The following RAB8B variants were observed in gnomAD, a reference collection of about 807,000 sequenced individuals.
The protein encoded by RAB8B is RAB8B, member RAS oncogene family.
In RAB8B, 11 loss-of-function variants were observed where a neutral mutation model predicts 32.0. That is an observed-to-expected ratio of 0.34 (90% CI 0.22 to 0.57). The LOEUF (loss-of-function observed/expected upper bound fraction) is 0.57, where lower values mean the gene tolerates loss of function less well. RAB8B is among the 20% of genes least tolerant of loss of function. RAB8B has a pLI of 0.86. For synonymous variants in RAB8B, 103 were observed against 89.6 expected (o/e 1.15, Z -0.85); for missense variants, 190 against 258.5 (o/e 0.73, Z 1.82).
chr15:63,189,853 CG>C, intron 1 of RAB8B, 105 bp downstream of exon 1: 1 of 1,153,150 alleles, frequency 8.7e-7, no homozygotes, highest in Admixed American at 4.3e-5. Flanking sequence ...GAGGAGACCC[CG>C]GGGACTGCAA....
In RAB8B at chr15:63,265,242, C is replaced by T. The variant is rs1342835587; in HGVS notation, c.*1623C>T. On this transcript the variant is annotated 3_prime_UTR_variant, in exon 8 of 8. Transcript: ENST00000321437. The surrounding 1 kb of genome is among the most constrained non-coding windows in gnomAD (Gnocchi z 4.9). The stretch of plus-strand genomic sequence containing the variant: ...GAATTCTCTTCAAATTAAGATATGT[C>T]ATTAGAATGCTTGGACCAGTCAATC... The T allele has an allele frequency of 1.3e-5, 2 of 152,090 alleles. No homozygotes were observed. The highest frequency in any genetic ancestry group is 2.9e-5 in the Non-Finnish European group (2 of 68,006). 9.4% of individuals were successfully genotyped at this position (152,090 alleles called of 1,614,324 possible).
intron 1 of RAB8B, among the ~76,000 whole-genome samples, chr15:63,207,119 T>C (rs1007711700): frequency 3.3e-5 from 5 of 152,266 alleles, no homozygotes; most frequent in Admixed American, 3.3e-4. Context: ...CTCTAGGTTT[T>C]CCTTTTTTTC....
intron 1 of RAB8B, among the ~76,000 whole-genome samples, chr15:63,222,033 C>T (rs73441217): frequency 0.032 from 4,899 of 152,256 alleles, 250 homozygotes; most frequent in African/African-American, 0.11. Context: ...ACCCAGGCTT[C>T]TGGGTCAGCT....
chr15:63,204,230 G>A (rs1330255515), intron 1 of RAB8B, among the ~76,000 whole-genome samples: 1 of 152,062 alleles, frequency 6.6e-6, no homozygotes, highest in East Asian at 1.9e-4. Context: ...TTAGGACTAC[G>A]TGCATTTTAC....
chr15:63,232,993 T>C (rs577271305), intron 1 of RAB8B, among the ~76,000 whole-genome samples: 2 of 152,164 alleles, frequency 1.3e-5, no homozygotes, highest in African/African-American at 2.4e-5. Context: ...TTATAACTTA[T>C]GCGACGTATA....
At chr15:63,253,318 G>C (rs1367913018) in intron 3 of RAB8B, among the ~76,000 whole-genome samples, 1 of 152,066 alleles carries the variant, frequency 6.6e-6, no homozygotes, top group Admixed American at 6.6e-5. Context: ...TTGTCTATGT[G>C]TATATGTGTG....
chr15:63,234,963 A>G (rs62012880), intron 1 of RAB8B, among the ~76,000 whole-genome samples: 88,771 of 151,908 alleles, frequency 0.58, 27,401 homozygotes, highest in East Asian at 0.98. Context: ...AAAAGTCCCC[A>G]AACCCCCTGC....
At position 63,228,958 on chromosome 15, in the gene RAB8B, CAT is replaced by C. The variant is rs2037910948; in HGVS notation, c.125-15796_125-15795del. On this transcript the variant is annotated intron_variant, in intron 1 of 7. Coordinates refer to ENST00000321437, the MANE Select transcript of RAB8B (RefSeq NM_016530.3). ...TCTCACATTAATATACTTAGCCTAA[CAT>C]AGCTATATAATTGTTTTACATGTTG... Among the ~76,000 whole-genome samples the C allele has an allele frequency of 2.6e-5, 4 of 152,208 alleles. No individual in the cohort carries two copies. In the South Asian group the frequency reaches 8.3e-4, roughly 31 times the overall value.
chr15:63,215,117 A>G (rs1218457441), intron 1 of RAB8B, among the ~76,000 whole-genome samples: 3 of 152,214 alleles, frequency 2.0e-5, no homozygotes, highest in African/African-American at 7.2e-5. Context: ...GAAGCTGAAG[A>G]CATCACTCTT....
rs559992076 is a variant in RAB8B at position 63,246,571 on chromosome 15, C to T, written c.185+1755C>T. ...GAAGGAGTGAGGAACTTCCACACTT[C>T]CTTCCTTGTGGGAGGGGTCATCTAC... On this transcript the variant is annotated intron_variant, in intron 2 of 7. Transcript: ENST00000321437. 3.9e-5 allele frequency among the ~76,000 whole-genome samples: 6 copies of T among 152,310 alleles called. No homozygotes were observed. The East Asian group carries it at 1.2e-3, about 29-fold the overall frequency.
Position 63,219,491 on chromosome 15 carries a change from A to T in RAB8B, c.125-25265A>T, listed in dbSNP as rs574318631. On this transcript the variant is annotated intron_variant, in intron 1 of 7. Transcript: ENST00000321437. ...AATGGAGGGAAAGAGAACAGACAAGAACATGACAACAGATAAGAGAACACA... is the reference window on the plus strand; with the variant it reads ...AATGGAGGGAAAGAGAACAGACAAGTACATGACAACAGATAAGAGAACACA... 8.0e-4 allele frequency among the ~76,000 whole-genome samples: 121 copies of T among 151,880 alleles called. 1 individual carries two copies. The highest frequency in any genetic ancestry group is 1.1e-3 in the Non-Finnish European group (76 of 67,956).
intron 1 of RAB8B, among the ~76,000 whole-genome samples, chr15:63,197,516 G>A (rs2037613302): frequency 6.6e-6 from 1 of 151,130 alleles, no homozygotes; most frequent in Non-Finnish European, 1.5e-5. Flanking sequence ...TGGGACCCCG[G>A]GTGCACACTA....
chr15:63,222,615 G>A (rs2037853917), intron 1 of RAB8B, among the ~76,000 whole-genome samples: 1 of 152,206 alleles, frequency 6.6e-6, no homozygotes, highest in African/African-American at 2.4e-5. Flanking sequence ...TTGGCTCACT[G>A]CAACCTCCGC....
intron 2 of RAB8B, among the ~76,000 whole-genome samples, chr15:63,245,535 A>T (rs1595747431): frequency 2.0e-5 from 3 of 151,944 alleles, no homozygotes; most frequent in Admixed American, 2.0e-4. Flanking sequence ...CTTTTTTTTA[A>T]TTCTTTTTTT....
intron 1 of RAB8B, among the ~76,000 whole-genome samples, chr15:63,239,885 T>G (rs1049115748): frequency 1.2e-4 from 19 of 152,092 alleles, no homozygotes; most frequent in African/African-American, 4.3e-4. Flanking sequence ...GGGCACTATG[T>G]TAATAAAACC....
chr15:63,240,431 A>G (rs1375431495), intron 1 of RAB8B, among the ~76,000 whole-genome samples: 1 of 152,056 alleles, frequency 6.6e-6, no homozygotes, highest in Non-Finnish European at 1.5e-5. Context: ...TTTTTTATGG[A>G]TGAGGATATA....
chr15:63,192,291 A>G (rs1415692671), intron 1 of RAB8B, among the ~76,000 whole-genome samples: 1 of 152,268 alleles, frequency 6.6e-6, no homozygotes, highest in Non-Finnish European at 1.5e-5. Context: ...GGTGAATGTT[A>G]GCACCATTCT....
intron 1 of RAB8B, among the ~76,000 whole-genome samples, chr15:63,205,387 AT>A (rs2037689987): frequency 2.6e-5 from 4 of 152,216 alleles, no homozygotes; most frequent in African/African-American, 9.6e-5. Context: ...AGTCCCAGCT[AT>A]TCAGGAGGCT....
At chr15:63,223,098 A>G (rs1380205033) in intron 1 of RAB8B, 6 of 450,310 alleles carry the variant, frequency 1.3e-5, no homozygotes, top group African/African-American at 1.2e-4. Flanking sequence ...TAGGTATACC[A>G]TTTTTATTTT....
Sources: gnomAD v4.1 joint callset for allele counts (sites outside exome capture counted in the v4.1 genomes callset) on GRCh38, gnomAD v4.1.1 for gene constraint, Gnocchi (gnomAD v3.1) non-coding constraint, MANE v1.5 for transcripts, NCBI Gene and HGNC (gene_info 2026-07-23, HGNC 2026-07-21) for gene names.